Variants in PSMA1 observed in about 807,000 individuals in gnomAD.
PSMA1 encodes proteasome 20S subunit alpha 1, also known as proteasome subunit alpha type-1.
Under a neutral mutation model 38.4 loss-of-function variants are expected in PSMA1, and 3 were observed. That is an observed-to-expected ratio of 0.08 (90% CI 0.04 to 0.20). The LOEUF (loss-of-function observed/expected upper bound fraction) is 0.20. PSMA1 is among the 10% of genes least tolerant of loss of function. The pLI, the probability that PSMA1 is intolerant of heterozygous loss-of-function variation, is 1.00. For synonymous variants in PSMA1, 101 were observed against 107.1 expected (o/e 0.94, Z 0.35); for missense variants, 227 against 325.3 (o/e 0.70, Z 2.32).
chr11:14,539,301 G>A (rs1851745328), intron 2 of PSMA1, among the ~76,000 whole-genome samples: 1 of 152,112 alleles, frequency 6.6e-6, no homozygotes, highest in Non-Finnish European at 1.5e-5. Flanking sequence ...TAGTTCTGCA[G>A]TCACTGTTAT....
At position 14,630,617 on chromosome 11, in the gene PSMA1, T is replaced by C. The variant is rs1432427834; in HGVS notation, c.-166+12838A>G. Among the ~76,000 whole-genome samples the C allele has an allele frequency of 1.3e-4, 20 of 151,744 alleles. No homozygotes were observed. The East Asian group carries it at 3.7e-3, about 28-fold the overall frequency. ...TCAATGTTCATCAAGGATATTGGTC[T>C]AAAATTCTCTTTTTTTGTTGTGTCT... On this transcript the variant is annotated intron_variant, in intron 1 of 10. Transcript: ENST00000418988.
upstream of PSMA1, chr11:14,520,388 AG>A (rs1851509275): frequency 1.2e-6 from 2 of 1,613,804 alleles, no homozygotes; most frequent in Non-Finnish European, 1.7e-6. Context: ...TCTACAGAGA[AG>A]TCTGCGGGAG....
intron 5 of PSMA1, 35 bp downstream of exon 5, chr11:14,514,368 G>A (rs774980940): frequency 6.4e-7 from 1 of 1,573,554 alleles, no homozygotes. Flanking sequence ...ACCCTTCAAA[G>A]TTCATATCCA....
intron 2 of PSMA1, among the ~76,000 whole-genome samples, chr11:14,558,697 T>G (rs1374604209): frequency 6.6e-6 from 1 of 152,226 alleles, no homozygotes; most frequent in African/African-American, 2.4e-5. Flanking sequence ...TCCAATTTTA[T>G]GTGGTTTTTG....
At chr11:14,549,498 G>A (rs557063526) in intron 2 of PSMA1, among the ~76,000 whole-genome samples, 36 of 151,834 alleles carry the variant, frequency 2.4e-4, no homozygotes, top group Non-Finnish European at 4.1e-4. Flanking sequence ...TCAGGAGATC[G>A]AGACCATCCT....
chr11:14,580,714 G>T (rs1852272356), intron 2 of PSMA1, among the ~76,000 whole-genome samples: 1 of 152,180 alleles, frequency 6.6e-6, no homozygotes, highest in African/African-American at 2.4e-5. Flanking sequence ...TGGGATCCAG[G>T]CTTTAGATCT....
intron 1 of PSMA1, among the ~76,000 whole-genome samples, chr11:14,633,479 G>A (rs1367500525): frequency 6.6e-6 from 1 of 151,988 alleles, no homozygotes; most frequent in African/African-American, 2.4e-5. Context: ...CCCACTTGAG[G>A]AGGCAGTCTG....
At chr11:14,622,795 C>G (rs1852864180) in intron 1 of PSMA1, among the ~76,000 whole-genome samples, 1 of 152,182 alleles carries the variant, frequency 6.6e-6, no homozygotes, top group Non-Finnish European at 1.5e-5. Context: ...TTGGGGCATA[C>G]AATCCAGCAC....
intron 2 of PSMA1, among the ~76,000 whole-genome samples, chr11:14,540,780 G>T (rs2053874): frequency 0.27 from 41,788 of 152,110 alleles, 6,708 homozygotes; most frequent in South Asian, 0.43. Context: ...TTTGTGAAAA[G>T]AATTTTACTT....
intron 2 of PSMA1, among the ~76,000 whole-genome samples, chr11:14,544,825 T>C (rs1257678416): frequency 6.6e-6 from 1 of 152,214 alleles, no homozygotes; most frequent in Non-Finnish European, 1.5e-5. Context: ...ATTCTATTTC[T>C]AGGTAATAAC....
intron 2 of PSMA1, among the ~76,000 whole-genome samples, chr11:14,605,548 G>A (rs369650104): frequency 3.8e-4 from 58 of 151,906 alleles, no homozygotes; most frequent in African/African-American, 1.3e-3. Context: ...CATGCCTGGC[G>A]CTAACTTTGT....
intron 2 of PSMA1, among the ~76,000 whole-genome samples, chr11:14,596,615 A>G (rs900385154): frequency 1.3e-5 from 2 of 152,236 alleles, no homozygotes; most frequent in African/African-American, 4.8e-5. Context: ...ACTTTGCTGA[A>G]GTTGCTTATC....
intron 9 of PSMA1, 21 bp downstream of exon 9, chr11:14,507,635 T>C: frequency 6.7e-7 from 1 of 1,494,232 alleles, no homozygotes; most frequent in Non-Finnish European, 9.3e-7. Flanking sequence ...AACTAAAGCC[T>C]CTTGTGTTAT....
chr11:14,627,525 C>T (rs1852928658), intron 1 of PSMA1, among the ~76,000 whole-genome samples: 1 of 152,180 alleles, frequency 6.6e-6, no homozygotes, highest in Non-Finnish European at 1.5e-5. Context: ...TTTGGAGTTC[C>T]ATGGCCTGGG....
intron 2 of PSMA1, among the ~76,000 whole-genome samples, chr11:14,588,614 G>A (rs971842135): frequency 6.6e-6 from 1 of 152,172 alleles, no homozygotes; most frequent in African/African-American, 2.4e-5. Context: ...ATGGACAAGA[G>A]TGTTCATTAA....
chr11:14,582,314 G>T (rs1241514752), intron 2 of PSMA1, among the ~76,000 whole-genome samples: 9 of 152,100 alleles, frequency 5.9e-5, no homozygotes, highest in African/African-American at 2.2e-4. Flanking sequence ...ATATATAAAT[G>T]CTTGTTGATT....
chr11:14,505,998 A>G (rs901184034), intron 9 of PSMA1, among the ~76,000 whole-genome samples: 2 of 152,188 alleles, frequency 1.3e-5, no homozygotes, highest in African/African-American at 4.8e-5. Context: ...ACAAGAGGGC[A>G]AGACCTTGTC....
intron 1 of PSMA1, among the ~76,000 whole-genome samples, chr11:14,625,274 C>T (rs1027098816): frequency 2.6e-5 from 4 of 152,108 alleles, no homozygotes; most frequent in African/African-American, 9.7e-5. Flanking sequence ...CATGGTGAAA[C>T]CCTATCTCTA....
chr11:14,568,195 G>A (rs2134176480), intron 2 of PSMA1, among the ~76,000 whole-genome samples: 1 of 152,276 alleles, frequency 6.6e-6, no homozygotes, highest in South Asian at 2.1e-4. Flanking sequence ...GCAATCTGTG[G>A]AAGAGTGAAG....
Sources: allele counts gnomAD v4.1 joint callset (sites outside exome capture counted in the v4.1 genomes callset), GRCh38; gene constraint gnomAD v4.1.1; transcripts MANE v1.5; gene names NCBI Gene and HGNC (gene_info 2026-07-23, HGNC 2026-07-21).